The following OR2C3 variants were observed in gnomAD, a reference collection of about 807,000 sequenced individuals.
The protein encoded by OR2C3 is olfactory receptor family 2 subfamily C member 3, also known as olfactory receptor 2C3.
For synonymous variants in OR2C3, 178 were observed against 163.4 expected (o/e 1.09, Z -0.68); for missense variants, 425 against 401.5 (o/e 1.06, Z -0.50).
rs1158071180 is a variant in OR2C3 at position 247,532,131 on chromosome 1, G to A, written c.381C>T (p.Ile127=). The A allele has an allele frequency of 6.2e-7, 1 of 1,614,116 alleles. No individual in the cohort carries two copies. The highest frequency in any genetic ancestry group is 2.2e-5 in the East Asian group (1 of 44,870). The change falls in exon 3 of 3, where the codon ATC becomes ATT. Residue 127 remains isoleucine (I), a synonymous_variant. Coordinates refer to ENST00000641802, the MANE Select transcript of OR2C3 (RefSeq NM_198074.6). ...TGACAGTGTAATGGAGTGGCCTGCA[G>A]ATGGCAGCGTAGCGGTCATAGGACA... ...ATMSYDRYAA[I]CRPLHYTVIM... is the part of the protein sequence containing the mutation.
At position 247,530,783 on chromosome 1, in the gene OR2C3, C is replaced by T. The variant is rs1362902610; in HGVS notation, c.*766G>A. 1 of 157,368 alleles carries T rather than the reference C, an allele frequency of 6.4e-6. No homozygotes were observed. The highest frequency in any genetic ancestry group is 2.4e-5 in the African/African-American group (1 of 41,536). The allele number at this position is 157,368 out of a possible 1,614,324, so 9.7% of individuals were successfully genotyped here. A position where few individuals can be genotyped will look rare whatever the true frequency, so the allele number is the denominator to read the frequency against. ...TCGCCCAACTGCGACAGAGCGGTCG[C>T]CCAGGACGTGGACCTGCCGGCCGCC... is the stretch of plus-strand genomic sequence containing the variant. On this transcript the variant is annotated 3_prime_UTR_variant, in exon 3 of 3. Coordinates refer to ENST00000641802, the MANE Select transcript of OR2C3 (RefSeq NM_198074.6).
In OR2C3 at chr1:247,531,672, G is replaced by A. The variant is rs760141797; in HGVS notation, c.840C>T (p.Thr280=). 3.7e-6 allele frequency: 6 copies of A among 1,614,054 alleles called. No individual in the cohort carries two copies. Among genetic ancestry groups the A allele is most frequent in the African/African-American group, 1.3e-5 (1 of 74,910 alleles). Residue 280 remains threonine (T), a synonymous_variant, in exon 3 of 3, where the codon ACC becomes ACT. Coordinates refer to ENST00000641802, the MANE Select transcript of OR2C3 (RefSeq NM_198074.6). ...GTGGGTTCAGCGCAGGAGTGACTACGGTGTAGAACAGAGCTATGAACTTGC... is the reference window on the plus strand; with the variant it reads ...GTGGGTTCAGCGCAGGAGTGACTACAGTGTAGAACAGAGCTATGAACTTGC... The part of the protein sequence containing the change: ...EQGKFIALFY[T]VVTPALNPLI...
Position 247,530,747 on chromosome 1 carries a change from C to T in OR2C3, c.*802G>A, listed in dbSNP as rs1354513554. ...GTCTTGGAAATACGACCCGTCAGGA[C>T]TAGGTAGGTCTCGCCCAACTGCGAC... is the stretch of plus-strand genomic sequence containing the variant. On this transcript the variant is annotated 3_prime_UTR_variant, in exon 3 of 3. Transcript: ENST00000641802. 1.3e-5 allele frequency: 2 copies of T among 150,790 alleles called. No homozygotes were observed. Among genetic ancestry groups the T allele is most frequent in the African/African-American group, 5.0e-5 (2 of 40,000 alleles). The allele number at this position is 150,790 out of a possible 1,614,324, so 9.3% of individuals were successfully genotyped here.
rs749263540 is a variant in OR2C3, at chr1:247,532,246, G to T, written c.266C>A (p.Pro89Gln). Residue 89 changes from proline (P) to glutamine (Q), a missense_variant, in exon 3 of 3, where the codon CCA becomes CAA. Pro to Gln is a moderately conservative substitution (Grantham distance 76). Coordinates refer to ENST00000641802, the MANE Select transcript of OR2C3 (RefSeq NM_198074.6). ...CCCTCCATAGCTTATGGTTTTCTGT[G>T]GTCCCCAGAGGTTAGCCAGGAGCTG... The part of the protein sequence containing the change: ...VPQLLANLWG[P>Q]QKTISYGGCV... 6.2e-7 allele frequency: 1 copy of T among 1,614,216 alleles called. No homozygotes were observed. The highest frequency in any genetic ancestry group is 8.5e-7 in the Non-Finnish European group (1 of 1,180,040).
Position 247,531,469 on chromosome 1 carries a change from G to A in OR2C3, c.*80C>T. 3 of 1,416,198 alleles carry A rather than the reference G, an allele frequency of 2.1e-6. No individual in the cohort carries two copies. Among genetic ancestry groups the A allele is most frequent in the Non-Finnish European group, 9.6e-7 (1 of 1,038,164 alleles). The allele number at this position is 1,416,198 out of a possible 1,614,324, so 87.7% of individuals were successfully genotyped here. A position where few individuals can be genotyped will look rare whatever the true frequency, so the allele number is the denominator to read the frequency against. On this transcript the variant is annotated 3_prime_UTR_variant, in exon 3 of 3. Transcript: ENST00000641802. ...GCTCAAACAATATTAGAAGAAAAAC[G>A]ACATCCCAAGTGCCCTGTCTTCCAA...
At chr1:247,534,964 G>A (rs1289378312) in intron 1 of OR2C3, among the ~76,000 whole-genome samples, 1 of 152,112 alleles carries the variant, frequency 6.6e-6, no homozygotes. Context: ...GGCCAGGGAA[G>A]CATTAATACT....
rs1666697728 is a variant in OR2C3, at chr1:247,526,759, T to A, written c.*4790A>T. The A allele has an allele frequency of 2.8e-6, 1 of 360,070 alleles. No homozygotes were observed. Among genetic ancestry groups the A allele is most frequent in the East Asian group, 7.4e-5 (1 of 13,574 alleles). 22.3% of individuals were successfully genotyped at this position (360,070 alleles called of 1,614,324 possible). A position where few individuals can be genotyped will look rare whatever the true frequency, so the allele number is the denominator to read the frequency against. Reference sequence around the variant, plus strand: ...AAGCCTATGGTTGCTGCAAGAGGAATAAAAGAAAAGATGGAGCCTAGAAAA... The same window carrying A: ...AAGCCTATGGTTGCTGCAAGAGGAAAAAAAGAAAAGATGGAGCCTAGAAAA... On this transcript the variant is annotated 3_prime_UTR_variant, in exon 3 of 3. Coordinates refer to ENST00000641802, the MANE Select transcript of OR2C3 (RefSeq NM_198074.6). This position sits in a 1 kb window ranked among gnomAD's most constrained non-coding sequence, Gnocchi z 4.8.
In OR2C3 at chr1:247,532,156, ATGG is replaced by A. The variant is rs543798884; in HGVS notation, c.353_355del (p.Thr118del). 391 of 1,614,100 alleles carry A rather than the reference ATGG, an allele frequency of 2.4e-4. 5 individuals are homozygous for A. The South Asian group carries it at 3.1e-3, about 13-fold the overall frequency. On this transcript the variant is annotated inframe_deletion, in exon 3 of 3. Transcript: ENST00000641802. ...GATGGCAGCGTAGCGGTCATAGGACATGGTGGCCAGCAGGACACACTCGGTTGC... is the reference window on the plus strand; with the variant it reads ...GATGGCAGCGTAGCGGTCATAGGACATGGCCAGCAGGACACACTCGGTTGC...
Position 247,531,187 on chromosome 1 carries a change from G to A in OR2C3, c.*362C>T, listed in dbSNP as rs1429731926. 8.5e-6 allele frequency: 2 copies of A among 235,952 alleles called. No homozygotes were observed. Among genetic ancestry groups the A allele is most frequent in the African/African-American group, 4.6e-5 (2 of 43,372 alleles). The allele number at this position is 235,952 out of a possible 1,614,324, so 14.6% of individuals were successfully genotyped here. On this transcript the variant is annotated 3_prime_UTR_variant, in exon 3 of 3. Coordinates refer to ENST00000641802, the MANE Select transcript of OR2C3 (RefSeq NM_198074.6). Reference sequence around the variant, plus strand: ...GGCTCTGGGGAACAGGCCGGCTCCGGTCTCCCCGCGCGCTCTCAGCGTCGT... The same window carrying A: ...GGCTCTGGGGAACAGGCCGGCTCCGATCTCCCCGCGCGCTCTCAGCGTCGT...
At position 247,525,070 on chromosome 1, in the gene OR2C3, G is replaced by A. The variant is rs765910498; in HGVS notation, c.*6479C>T. 1 of 152,210 alleles carries A rather than the reference G, an allele frequency of 6.6e-6. No individual in the cohort carries two copies. The highest frequency in any genetic ancestry group is 1.5e-5 in the Non-Finnish European group (1 of 68,036). 9.4% of individuals were successfully genotyped at this position (152,210 alleles called of 1,614,324 possible). On this transcript the variant is annotated 3_prime_UTR_variant, in exon 3 of 3. Coordinates refer to ENST00000641802, the MANE Select transcript of OR2C3 (RefSeq NM_198074.6). ...ATATATGCCTTTGTACACATTATTG[G>A]CAAAAGTACGAATTTGGTGTCTGAA...
chr1:247,531,740 A>G lies in OR2C3; in HGVS notation c.772T>C (p.Phe258Leu), dbSNP rs778407855. 1.9e-6 allele frequency: 3 copies of G among 1,614,170 alleles called. No individual in the cohort carries two copies. The highest frequency in any genetic ancestry group is 3.3e-4 in the Middle Eastern group (2 of 6,062). Residue 258 changes from phenylalanine to leucine, a missense_variant, in exon 3 of 3, where the codon TTC (phenylalanine) becomes CTC (leucine). Physicochemically the swap from Phe to Leu is conservative, Grantham distance 22. Coordinates refer to ENST00000641802, the MANE Select transcript of OR2C3 (RefSeq NM_198074.6). ...VVSLFYGSII[F>L]MYLQPAKSTS... ...CTCTTGGCTGGCTGGAGATACATGA[A>G]GATGATGCTCCCGTAAAACAGAGAC...
rs1439961917 is a variant in OR2C3 at position 247,528,482 on chromosome 1, C to A, written c.*3067G>T. ...CACAAAGGGACAAATCCTGCATGATCTCACCCATATTTCATGTTTAGCCAA... is the reference window on the plus strand; with the variant it reads ...CACAAAGGGACAAATCCTGCATGATATCACCCATATTTCATGTTTAGCCAA... On this transcript the variant is annotated 3_prime_UTR_variant, in exon 3 of 3. Transcript: ENST00000641802. 1 of 152,190 alleles carries A rather than the reference C, an allele frequency of 6.6e-6. No individual in the cohort carries two copies. Among genetic ancestry groups the A allele is most frequent in the East Asian group, 1.9e-4 (1 of 5,194 alleles). The allele number at this position is 152,190 out of a possible 1,614,324, so 9.4% of individuals were successfully genotyped here. A position where few individuals can be genotyped will look rare whatever the true frequency, so the allele number is the denominator to read the frequency against.
In OR2C3 at chr1:247,529,736, T is replaced by G. The variant is rs1367570240; in HGVS notation, c.*1813A>C. On this transcript the variant is annotated 3_prime_UTR_variant, in exon 3 of 3. Coordinates refer to ENST00000641802, the MANE Select transcript of OR2C3 (RefSeq NM_198074.6). ...TGAAGGTGTTTTTTTTTTTTTTTTTTTTTTTTTTTGATGCGATTAACATTT... is the reference window on the plus strand; with the variant it reads ...TGAAGGTGTTTTTTTTTTTTTTTTTGTTTTTTTTTGATGCGATTAACATTT... 20 of 151,076 alleles carry G rather than the reference T, an allele frequency of 1.3e-4. No homozygotes were observed. The East Asian group carries it at 3.5e-3, about 26-fold the overall frequency. 9.4% of individuals were successfully genotyped at this position (151,076 alleles called of 1,614,324 possible).
Position 247,531,559 on chromosome 1 carries a change from G to C in OR2C3, c.953C>G (p.Ala318Gly). The C allele has an allele frequency of 1.9e-6, 3 of 1,613,032 alleles. No homozygotes were observed. Among genetic ancestry groups the C allele is most frequent in the Non-Finnish European group, 1.7e-6 (2 of 1,179,302 alleles). ...AAGGCACTGGAGTCTCTAAATTTGC[G>C]CCAGCTTGCCTGCAGAGCCACAGCA... is the stretch of plus-strand genomic sequence containing the variant. ...ENCCGSAGKL[A>G]QI The change falls in exon 3 of 3, where the codon GCG (alanine) becomes GGG (glycine). Residue 318 changes from alanine (A) to glycine (G), a missense_variant. Physicochemically the swap from Ala to Gly is moderately conservative, Grantham distance 60. Coordinates refer to ENST00000641802, the MANE Select transcript of OR2C3 (RefSeq NM_198074.6).
At chr1:247,532,901 T>C (rs1010784135) in intron 2 of OR2C3, among the ~76,000 whole-genome samples, 3 of 151,924 alleles carry the variant, frequency 2.0e-5, no homozygotes, top group African/African-American at 7.3e-5. Flanking sequence ...CTGGGGAAAA[T>C]GGACATTCAT....
Position 247,531,668 on chromosome 1 carries a change from C to T in OR2C3, c.844G>A (p.Val282Ile). 1 of 1,614,196 alleles carries T rather than the reference C, an allele frequency of 6.2e-7. No homozygotes were observed. Among genetic ancestry groups the T allele is most frequent in the Non-Finnish European group, 8.5e-7 (1 of 1,180,034 alleles). ...ATAAGTGGGTTCAGCGCAGGAGTGA[C>T]TACGGTGTAGAACAGAGCTATGAAC... is the stretch of plus-strand genomic sequence containing the variant. Reference protein sequence around the residue: ...GKFIALFYTVVTPALNPLIYT... With the variant: ...GKFIALFYTVITPALNPLIYT... Residue 282 changes from valine to isoleucine, a missense_variant, in exon 3 of 3, where the codon GTC becomes ATC. Transcript: ENST00000641802.
chr1:247,533,347 G>A (rs566079187), intron 2 of OR2C3, among the ~76,000 whole-genome samples, 160 bp downstream of exon 2: 17 of 152,094 alleles, frequency 1.1e-4, no homozygotes, highest in Admixed American at 5.9e-4. Context: ...ATTCTTCCCC[G>A]CAGTTAGCCA....
intron 1 of OR2C3, among the ~76,000 whole-genome samples, chr1:247,534,464 T>C (rs1042641372): frequency 5.9e-5 from 9 of 152,202 alleles, no homozygotes; most frequent in Non-Finnish European, 1.2e-4. Flanking sequence ...GCCAGAGTCA[T>C]GCAGAAGGGT....
rs1468042373 is a variant in OR2C3 at position 247,532,307 on chromosome 1, A to T, written c.205T>A (p.Phe69Ile). ...PMYFFLANLP[F>I]LDMSFTTSIV... ...CTCGTGGTGAAGCTCATGTCCAGGA[A>T]GGGGAGGTTGGCAAGAAAGAAGTAC... The change falls in exon 3 of 3, where the codon TTC becomes ATC. Residue 69 changes from phenylalanine (F) to isoleucine (I), a missense_variant. By Grantham distance (21) the Phe-to-Ile change is conservative. Coordinates refer to ENST00000641802, the MANE Select transcript of OR2C3 (RefSeq NM_198074.6). 2 of 1,614,184 alleles carry T rather than the reference A, an allele frequency of 1.2e-6. No individual in the cohort carries two copies. Among genetic ancestry groups the T allele is most frequent in the Admixed American group, 3.3e-5 (2 of 60,028 alleles).
Sources: allele counts gnomAD v4.1 joint callset (sites outside exome capture counted in the v4.1 genomes callset), GRCh38; gene constraint gnomAD v4.1.1; non-coding constraint Gnocchi (gnomAD v3.1); transcripts MANE v1.5; gene names NCBI Gene and HGNC (gene_info 2026-07-23, HGNC 2026-07-21).